MMP16: variants seen among roughly 807,000 people sequenced by gnomAD.
MMP16 encodes the protein matrix metallopeptidase 16.
A neutral mutation model predicts 67.8 loss-of-function variants in MMP16; 12 were observed. The ratio of observed to expected loss-of-function variants is 0.18; its 90% CI spans 0.11 to 0.29. MMP16 has a LOEUF of 0.29. MMP16 is among the 10% of genes least tolerant of loss of function. The pLI, the probability that MMP16 is intolerant of heterozygous loss-of-function variation, is 1.00. For missense variants in MMP16, 475 were observed against 765.7 expected (o/e 0.62, Z 4.48); for synonymous variants, 249 against 255.9 (o/e 0.97, Z 0.26).
intron 1 of MMP16, among the ~76,000 whole-genome samples, chr8:88,227,649 C>CT (rs1181288195): frequency 6.6e-6 from 1 of 151,986 alleles, no homozygotes; most frequent in Admixed American, 6.6e-5. Flanking sequence ...CTCTAGTATC[C>CT]TTTTCCAGGG....
chr8:88,272,547 C>G (rs180775133), intron 1 of MMP16, among the ~76,000 whole-genome samples: 1 of 152,080 alleles, frequency 6.6e-6, no homozygotes, highest in African/African-American at 2.4e-5. Context: ...AAACTAAGAA[C>G]GCACTATAGT....
At chr8:88,252,932 A>G (rs1810248726) in intron 1 of MMP16, among the ~76,000 whole-genome samples, 1 of 152,136 alleles carries the variant, frequency 6.6e-6, no homozygotes, top group Non-Finnish European at 1.5e-5. Context: ...CTAAATGAAT[A>G]GTAGATTTGA....
chr8:88,283,676 CTT>C (rs1810777528), intron 1 of MMP16, among the ~76,000 whole-genome samples: 1 of 152,102 alleles, frequency 6.6e-6, no homozygotes, highest in South Asian at 2.1e-4. Flanking sequence ...ACATTCTGCT[CTT>C]TGCAAATATA....
chr8:88,191,147 G>A (rs57733012), intron 2 of MMP16, among the ~76,000 whole-genome samples: 3 of 151,718 alleles, frequency 2.0e-5, no homozygotes, highest in African/African-American at 7.3e-5. Context: ...AACTTAAAAA[G>A]AAAAAAAATC....
rs563182671 is a variant in MMP16 at position 88,198,815 on chromosome 8, T to C, written c.133-1509A>G. 7.2e-5 allele frequency among the ~76,000 whole-genome samples: 11 copies of C among 152,124 alleles called. No homozygotes were observed. The South Asian group carries it at 2.3e-3, about 32-fold the overall frequency. Reference sequence around the variant, plus strand: ...CCTAATCTAGTAAACTCATGTACCATATAGTAAAAGCATGCCAAGACACTC... The same window carrying C: ...CCTAATCTAGTAAACTCATGTACCACATAGTAAAAGCATGCCAAGACACTC... On this transcript the variant is annotated intron_variant, in intron 1 of 9. Coordinates refer to ENST00000286614, the MANE Select transcript of MMP16 (RefSeq NM_005941.5).
At position 88,040,062 on chromosome 8, in the gene MMP16, G is replaced by T; in HGVS notation, c.*1399C>A. On this transcript the variant is annotated 3_prime_UTR_variant, in exon 10 of 10. Transcript: ENST00000286614. Reference sequence around the variant, plus strand: ...ACCGTTTTAATTCATTTTTAAAATGGCAATGCTAACTGCATATACCAAGGC... The same window carrying T: ...ACCGTTTTAATTCATTTTTAAAATGTCAATGCTAACTGCATATACCAAGGC... 1 of 152,538 alleles carries T rather than the reference G, an allele frequency of 6.6e-6. No individual in the cohort carries two copies. The allele number at this position is 152,538 out of a possible 1,614,324, so 9.4% of individuals were successfully genotyped here. A position where few individuals can be genotyped will look rare whatever the true frequency, so the allele number is the denominator to read the frequency against.
intron 7 of MMP16, among the ~76,000 whole-genome samples, chr8:88,066,490 A>G (rs2118253239): frequency 6.6e-6 from 1 of 152,182 alleles, no homozygotes; most frequent in South Asian, 2.1e-4. Context: ...AAGGAGAACG[A>G]CTCAGTGTTA....
chr8:88,250,192 A>T (rs1810187214), intron 1 of MMP16, among the ~76,000 whole-genome samples: 1 of 151,998 alleles, frequency 6.6e-6, no homozygotes, highest in African/African-American at 2.4e-5. Flanking sequence ...TTCCTGCCCG[A>T]CAAATTTCTA....
chr8:88,225,142 T>C (rs923611783), intron 1 of MMP16, among the ~76,000 whole-genome samples: 3 of 152,008 alleles, frequency 2.0e-5, no homozygotes, highest in East Asian at 3.9e-4. Context: ...TGAAACTATA[T>C]AGTTTACAAT....
rs1185130676 is a variant in MMP16 at position 88,035,273 on chromosome 8, C to T, written c.*6188G>A. 1 of 152,012 alleles carries T rather than the reference C, an allele frequency of 6.6e-6. No homozygotes were observed. The highest frequency in any genetic ancestry group is 1.5e-5 in the Non-Finnish European group (1 of 67,928). The allele number at this position is 152,012 out of a possible 1,614,324, so 9.4% of individuals were successfully genotyped here. A position where few individuals can be genotyped will look rare whatever the true frequency, so the allele number is the denominator to read the frequency against. On this transcript the variant is annotated 3_prime_UTR_variant, in exon 10 of 10. Coordinates refer to ENST00000286614, the MANE Select transcript of MMP16 (RefSeq NM_005941.5). This position sits in a 1 kb window ranked among gnomAD's most constrained non-coding sequence, Gnocchi z 4.7. ...TTAAGGGCATATAAATTCAGCTCTACAGCAGAGCACATGGGAAAGTTATAT... is the reference window on the plus strand; with the variant it reads ...TTAAGGGCATATAAATTCAGCTCTATAGCAGAGCACATGGGAAAGTTATAT...
chr8:88,189,876 T>A (rs1465816969), intron 2 of MMP16, among the ~76,000 whole-genome samples: 1 of 152,166 alleles, frequency 6.6e-6, no homozygotes, highest in Non-Finnish European at 1.5e-5. Flanking sequence ...TATCTACCAC[T>A]GACCTGTGAG....
At chr8:88,057,602 C>T (rs543699390) in intron 7 of MMP16, among the ~76,000 whole-genome samples, 8 of 152,074 alleles carry the variant, frequency 5.3e-5, no homozygotes, top group East Asian at 3.9e-4. Flanking sequence ...TATGATAAAC[C>T]GTAGCTTTCA....
At chr8:88,170,178 A>T (rs913484427) in intron 3 of MMP16, among the ~76,000 whole-genome samples, 2 of 152,162 alleles carry the variant, frequency 1.3e-5, no homozygotes, top group Non-Finnish European at 2.9e-5. Context: ...GACAGCATTT[A>T]TTTTTTTGAC....
chr8:88,177,742 C>T (rs568448235), intron 3 of MMP16, among the ~76,000 whole-genome samples: 13 of 152,226 alleles, frequency 8.5e-5, no homozygotes, highest in African/African-American at 2.2e-4. Context: ...CTTTTGCCTT[C>T]GTATATTACA....
chr8:88,310,423 G>GT (rs1563591978), intron 1 of MMP16, among the ~76,000 whole-genome samples: 1 of 152,114 alleles, frequency 6.6e-6, no homozygotes, highest in Non-Finnish European at 1.5e-5. Context: ...TGAAGTAAAT[G>GT]TAAGGTAAAG....
intron 6 of MMP16, among the ~76,000 whole-genome samples, chr8:88,101,022 A>ATG: frequency 6.6e-6 from 1 of 151,854 alleles, no homozygotes; most frequent in Non-Finnish European, 1.5e-5. Context: ...GATATACCTA[A>ATG]CGATGACAAG....
At chr8:88,121,305 C>T (rs747876139) in intron 4 of MMP16, among the ~76,000 whole-genome samples, 7 of 151,888 alleles carry the variant, frequency 4.6e-5, no homozygotes, top group Non-Finnish European at 1.0e-4. Flanking sequence ...TATGAACTTA[C>T]GACCTGTCGA....
intron 1 of MMP16, among the ~76,000 whole-genome samples, chr8:88,289,835 C>A (rs1810895042): frequency 6.6e-6 from 1 of 151,922 alleles, no homozygotes; most frequent in Non-Finnish European, 1.5e-5. Context: ...TGTTAGGTAA[C>A]TTTCCTGTGC....
At chr8:88,202,426 G>A (rs950645405) in intron 1 of MMP16, among the ~76,000 whole-genome samples, 3 of 152,188 alleles carry the variant, frequency 2.0e-5, no homozygotes, top group Non-Finnish European at 4.4e-5. Flanking sequence ...ACACTTCGTA[G>A]TAGCTGTGGG....
Sources: allele counts gnomAD v4.1 joint callset (sites outside exome capture counted in the v4.1 genomes callset), GRCh38; gene constraint gnomAD v4.1.1; non-coding constraint Gnocchi (gnomAD v3.1); transcripts MANE v1.5; gene names NCBI Gene and HGNC (gene_info 2026-07-23, HGNC 2026-07-21).